The following P2RY12 variants were observed in gnomAD, a reference collection of about 807,000 sequenced individuals.
P2RY12 encodes the protein purinergic receptor P2Y12, also known as P2Y purinoceptor 12.
In P2RY12, 3 loss-of-function variants were observed where a neutral mutation model predicts 4.5. That is an observed-to-expected ratio of 0.67 (90% CI 0.31 to 1.74). The LOEUF is 1.74. Ranked by LOEUF, P2RY12 falls within the 40% of genes most tolerant of loss-of-function variation. The probability of loss-of-function intolerance (pLI) is 0.09; values close to 1 mark genes in which losing one functional copy is unlikely to be tolerated. For missense variants in P2RY12, 356 were observed against 407.8 expected, an observed-to-expected ratio of 0.87 and a Z score of 1.09; for synonymous variants, 148 against 154.1, an observed-to-expected ratio of 0.96 and a Z score of 0.29.
chr3:151,350,365 C>G (rs1201767726), intron 1 of P2RY12, among the ~76,000 whole-genome samples: 3 of 151,768 alleles, frequency 2.0e-5, no homozygotes, highest in African/African-American at 4.8e-5. Context: ...AATTTTAAAG[C>G]CTTGTTTCCA....
At chr3:151,375,942 T>G (rs1446013331) in intron 1 of P2RY12, 1 of 630,566 alleles carries the variant, frequency 1.6e-6, no homozygotes, top group Non-Finnish European at 2.4e-6. Flanking sequence ...TTCTATTCAA[T>G]TATGCACTGT....
intron 1 of P2RY12, chr3:151,383,796 C>T (rs774739925): frequency 5.6e-6 from 9 of 1,612,264 alleles, no homozygotes; most frequent in East Asian, 2.2e-5. Flanking sequence ...GAATGTTTGA[C>T]ACGGTGCAGA....
chr3:151,377,230 G>C lies in P2RY12; in HGVS notation c.-180+7462C>G, dbSNP rs765415147. 5 of 1,478,200 alleles carry C rather than the reference G, an allele frequency of 3.4e-6. No homozygotes were observed. In the South Asian group the frequency reaches 6.2e-5, roughly 18 times the overall value. 91.6% of individuals were successfully genotyped at this position (1,478,200 alleles called of 1,614,324 possible). A position where few individuals can be genotyped will look rare whatever the true frequency, so the allele number is the denominator to read the frequency against. On this transcript the variant is annotated intron_variant, in intron 1 of 2. Transcript: ENST00000302632. ...CTGTCATGAATTTTTCACAAGTAAC[G>C]GTAAATTTTGTGTAGCACAGTGATT...
intron 1 of P2RY12, chr3:151,368,045 A>G: frequency 1.0e-6 from 1 of 991,370 alleles, no homozygotes; most frequent in Non-Finnish European, 1.5e-6. Context: ...CCATAAGGAA[A>G]ATTTATTTAA....
intron 1 of P2RY12, chr3:151,350,022 C>G (rs1483359197): frequency 6.3e-7 from 1 of 1,594,196 alleles, no homozygotes; most frequent in East Asian, 2.3e-5. Flanking sequence ...CCCACCCCTG[C>G]AGACAAGAGT....
At position 151,338,873 on chromosome 3, in the gene P2RY12, G is replaced by T. The variant is rs1329757141; in HGVS notation, c.-14-14C>A. 4 of 1,607,198 alleles carry T rather than the reference G, an allele frequency of 2.5e-6. No homozygotes were observed. In the South Asian group the frequency reaches 3.3e-5, roughly 13 times the overall value. On this transcript the variant is annotated splice_polypyrimidine_tract_variant and intron_variant, in intron 2 of 2. Coordinates refer to ENST00000302632, the MANE Select transcript of P2RY12 (RefSeq NM_022788.5). ...CTTGTTGGTTACCTAGAGAACAAAA[G>T]AGAGGATGGTTATTTTCAGCCTAAG...
intron 1 of P2RY12, chr3:151,383,902 A>G (rs777951982): frequency 3.7e-6 from 6 of 1,603,288 alleles, no homozygotes; most frequent in South Asian, 3.3e-5. Flanking sequence ...TGTTTTTATC[A>G]CTTCACATTG....
At chr3:151,357,141 T>C in intron 1 of P2RY12, 2 of 1,326,340 alleles carry the variant, frequency 1.5e-6, no homozygotes, top group Middle Eastern at 2.0e-4. Flanking sequence ...ATATCTATGG[T>C]TTATAAAAAT....
intron 1 of P2RY12, among the ~76,000 whole-genome samples, chr3:151,348,573 CT>C (rs542135245): frequency 3.0e-3 from 401 of 132,224 alleles, no homozygotes; most frequent in East Asian, 5.1e-3. Context: ...CTCCTAGCTT[CT>C]TTTTTTTTTT....
chr3:151,376,601 ATAAT>A (rs1225617829), intron 1 of P2RY12, among the ~76,000 whole-genome samples: 2 of 152,212 alleles, frequency 1.3e-5, no homozygotes, highest in Non-Finnish European at 2.9e-5. Flanking sequence ...TAACTAATTA[ATAAT>A]TAATGTTTCT....
chr3:151,375,984 G>C lies in P2RY12; in HGVS notation c.-180+8708C>G, dbSNP rs201190703. 3.1e-6 allele frequency: 3 copies of C among 964,766 alleles called. No individual in the cohort carries two copies. In the East Asian group the frequency reaches 8.5e-5, roughly 27 times the overall value. The allele number at this position is 964,766 out of a possible 1,614,324, so 59.8% of individuals were successfully genotyped here. ...AGTACATATTGCATATATATATACC[G>C]AAAGCCAGTGCCTGTCAATCTAATT... is the stretch of plus-strand genomic sequence containing the variant. On this transcript the variant is annotated intron_variant, in intron 1 of 2. Coordinates refer to ENST00000302632, the MANE Select transcript of P2RY12 (RefSeq NM_022788.5).
At position 151,377,304 on chromosome 3, in the gene P2RY12, G is replaced by A. The variant is rs1443375597; in HGVS notation, c.-180+7388C>T. The A allele has an allele frequency of 9.7e-6, 7 of 723,622 alleles. No individual in the cohort carries two copies. The East Asian group carries it at 1.6e-4, about 17-fold the overall frequency. The allele number at this position is 723,622 out of a possible 1,614,324, so 44.8% of individuals were successfully genotyped here. Reference sequence around the variant, plus strand: ...AAGAACATAGTTACTTGTAAGCAGGGATTATTATTAATAAGTTAATGAGTA... The same window carrying A: ...AAGAACATAGTTACTTGTAAGCAGGAATTATTATTAATAAGTTAATGAGTA... On this transcript the variant is annotated intron_variant, in intron 1 of 2. Transcript: ENST00000302632.
intron 1 of P2RY12, among the ~76,000 whole-genome samples, chr3:151,353,938 G>A (rs866676140): frequency 2.6e-4 from 39 of 151,772 alleles, no homozygotes; most frequent in Middle Eastern, 6.8e-3. Context: ...TCAGGAGATC[G>A]AGACCATCCC....
At chr3:151,372,513 A>G in intron 1 of P2RY12, 2 of 1,330,886 alleles carry the variant, frequency 1.5e-6, no homozygotes, top group South Asian at 2.4e-5. Flanking sequence ...CTCCTCAATT[A>G]TTTGGCAATA....
At chr3:151,345,392 G>A (rs997519085) in intron 1 of P2RY12, among the ~76,000 whole-genome samples, 2 of 152,150 alleles carry the variant, frequency 1.3e-5, no homozygotes, top group Non-Finnish European at 2.9e-5. Context: ...TAAACACCAA[G>A]TTGAAAGAGC....
chr3:151,382,811 T>G, intron 1 of P2RY12: 2 of 1,293,318 alleles, frequency 1.5e-6, no homozygotes, highest in Non-Finnish European at 2.2e-6. Flanking sequence ...CCTCCAGCTT[T>G]CCACTTCTCC....
At chr3:151,382,247 T>C (rs1194549755) in intron 1 of P2RY12, among the ~76,000 whole-genome samples, 3 of 152,184 alleles carry the variant, frequency 2.0e-5, no homozygotes, top group African/African-American at 7.2e-5. Flanking sequence ...AACATCAAAA[T>C]AATACATTTG....
chr3:151,341,566 C>CT (rs56101716), intron 1 of P2RY12, among the ~76,000 whole-genome samples: 102,783 of 148,392 alleles, frequency 0.69, 35,560 homozygotes, highest in South Asian at 0.83. Flanking sequence ...GCTGCTTTAA[C>CT]TTTTTTTTTT....
chr3:151,374,398 A>C (rs1756568850), intron 1 of P2RY12, among the ~76,000 whole-genome samples: 1 of 152,026 alleles, frequency 6.6e-6, no homozygotes, highest in Non-Finnish European at 1.5e-5. Context: ...AAATACAAAA[A>C]TTAGCCAGGT....
Sources: allele counts gnomAD v4.1 joint callset (sites outside exome capture counted in the v4.1 genomes callset), GRCh38; gene constraint gnomAD v4.1.1; transcripts MANE v1.5; gene names NCBI Gene and HGNC (gene_info 2026-07-23, HGNC 2026-07-21).